WSCD2: variants seen among roughly 807,000 people sequenced by gnomAD.
WSCD2 encodes the protein WSC domain sialate O sulfotransferase 2.
WSCD2 carries 28 observed loss-of-function variants against 55.7 expected under a neutral mutation model. The observed-to-expected ratio is 0.50, with a 90% CI of 0.37 to 0.69. The LOEUF (loss-of-function observed/expected upper bound fraction) is 0.69, where lower values mean the gene tolerates loss of function less well. Among genes scored for constraint, WSCD2 ranks in the 30% least tolerant of loss-of-function variants. The probability of loss-of-function intolerance (pLI) is 0.00; values close to 1 mark genes in which losing one functional copy is unlikely to be tolerated. For missense variants in WSCD2, 616 were observed against 762.1 expected, an observed-to-expected ratio of 0.81 and a Z score of 2.26; for synonymous variants, 301 against 301.9, an observed-to-expected ratio of 1.00 and a Z score of 0.03.
At chr12:108,242,499 C>T (rs1446361645) in intron 8 of WSCD2, among the ~76,000 whole-genome samples, 5 of 152,162 alleles carry the variant, frequency 3.3e-5, no homozygotes, top group Non-Finnish European at 5.9e-5. Context: ...TCAGTGACCT[C>T]GGTGGGCCTC....
At chr12:108,216,079 G>A (rs1218356354) in intron 4 of WSCD2, among the ~76,000 whole-genome samples, 5 of 152,256 alleles carry the variant, frequency 3.3e-5, no homozygotes, top group African/African-American at 1.2e-4. Context: ...CTGGAATGGG[G>A]GTCTATGGAG....
chr12:108,219,316 C>T (rs921135866), intron 4 of WSCD2, among the ~76,000 whole-genome samples: 4 of 152,328 alleles, frequency 2.6e-5, no homozygotes, highest in East Asian at 3.9e-4. Flanking sequence ...CAGATGAGCA[C>T]GGTCCACAGG....
chr12:108,192,057 C>T (rs1234063657), intron 1 of WSCD2, among the ~76,000 whole-genome samples: 1 of 152,178 alleles, frequency 6.6e-6, no homozygotes, highest in Non-Finnish European at 1.5e-5. Flanking sequence ...CAGAAATATC[C>T]TGAGAGAGGC....
chr12:108,194,823 G>A (rs1883679614), intron 1 of WSCD2, among the ~76,000 whole-genome samples: 1 of 152,122 alleles, frequency 6.6e-6, no homozygotes, highest in African/African-American at 2.4e-5. Context: ...ACACAAAGTA[G>A]GTCTCACTGA....
chr12:108,171,864 T>C lies in WSCD2; in HGVS notation c.-551-23418T>C, dbSNP rs540348091. Reference sequence around the variant, plus strand: ...ATATTTGGGAAGAATTTTGTCAAACTGTATGATTTTAAATAAGAATTCTTT... The same window carrying C: ...ATATTTGGGAAGAATTTTGTCAAACCGTATGATTTTAAATAAGAATTCTTT... On this transcript the variant is annotated intron_variant, in intron 1 of 8. Transcript: ENST00000547525. The C allele has an allele frequency of 9.2e-5, 14 of 152,334 alleles. No homozygotes were observed. The East Asian group carries it at 2.3e-3, about 25-fold the overall frequency. The allele number at this position is 152,334 out of a possible 1,614,324, so 9.4% of individuals were successfully genotyped here. A position where few individuals can be genotyped will look rare whatever the true frequency, so the allele number is the denominator to read the frequency against.
At chr12:108,244,616 G>A in intron 8 of WSCD2, 2 of 701,938 alleles carry the variant, frequency 2.8e-6, no homozygotes, top group South Asian at 3.0e-5. Context: ...TTGCAGATGG[G>A]TGCACTGAGG....
chr12:108,175,858 G>A (rs1880781774), intron 1 of WSCD2, among the ~76,000 whole-genome samples: 1 of 150,032 alleles, frequency 6.7e-6, no homozygotes, highest in African/African-American at 2.5e-5. Context: ...CTTTTTTTTT[G>A]AGACAGAGTC....
chr12:108,175,145 G>C (rs1412778870), intron 1 of WSCD2, among the ~76,000 whole-genome samples: 1 of 152,156 alleles, frequency 6.6e-6, no homozygotes, highest in Non-Finnish European at 1.5e-5. Flanking sequence ...GCAATGTCTA[G>C]AGACAGGTTT....
intron 1 of WSCD2, among the ~76,000 whole-genome samples, chr12:108,159,485 C>A (rs1183932799): frequency 6.6e-6 from 1 of 152,206 alleles, no homozygotes; most frequent in Non-Finnish European, 1.5e-5. Flanking sequence ...ATGCCTCTGG[C>A]CACTCATTTG....
intron 2 of WSCD2, among the ~76,000 whole-genome samples, chr12:108,199,343 G>A (rs1243459981): frequency 6.6e-6 from 1 of 152,168 alleles, no homozygotes; most frequent in Non-Finnish European, 1.5e-5. Context: ...GGAGTGGGAG[G>A]GGAGGAGCTG....
At chr12:108,155,101 T>C (rs547094852) in intron 1 of WSCD2, among the ~76,000 whole-genome samples, 23 of 152,298 alleles carry the variant, frequency 1.5e-4, no homozygotes, top group African/African-American at 5.1e-4. Context: ...GTCACATTCT[T>C]TTGTGGGGCC....
chr12:108,244,224 G>A (rs1346174), intron 8 of WSCD2, among the ~76,000 whole-genome samples: 17,058 of 152,210 alleles, frequency 0.11, 1,073 homozygotes, highest in South Asian at 0.2. Flanking sequence ...CCAGTTTGCA[G>A]ACAGCAATCA....
chr12:108,196,270 A>G, intron 2 of WSCD2, 56 bp downstream of exon 2: 1 of 1,518,224 alleles, frequency 6.6e-7, no homozygotes, highest in South Asian at 1.3e-5. Flanking sequence ...AGGAGATACT[A>G]ACAATGTAAT....
chr12:108,154,678 C>T (rs1211874226), intron 1 of WSCD2, among the ~76,000 whole-genome samples: 2 of 152,106 alleles, frequency 1.3e-5, no homozygotes, highest in East Asian at 1.9e-4. Flanking sequence ...TTCCCACTGT[C>T]GTGCACAAGA....
At chr12:108,231,765 G>C (rs902823206) in intron 6 of WSCD2, among the ~76,000 whole-genome samples, 2 of 152,170 alleles carry the variant, frequency 1.3e-5, no homozygotes, top group African/African-American at 2.4e-5. Context: ...CACAATATGG[G>C]CAGGGTTTCT....
rs1566003913 is a variant in WSCD2, at chr12:108,248,704, A to G, written c.*361A>G. ...GAGACTTGCTGGATGCCCCATGGCA[A>G]TTGTCAAGGCTCTTGATGCAAGAGC... is the stretch of plus-strand genomic sequence containing the variant. On this transcript the variant is annotated 3_prime_UTR_variant, in exon 9 of 9. Coordinates refer to ENST00000547525, the MANE Select transcript of WSCD2 (RefSeq NM_014653.4). This position sits in a 1 kb window ranked among gnomAD's most constrained non-coding sequence, Gnocchi z 4.3. The G allele has an allele frequency of 1.9e-6, 2 of 1,033,400 alleles. No individual in the cohort carries two copies. The highest frequency in any genetic ancestry group is 4.1e-5 in the South Asian group (1 of 24,684). The allele number at this position is 1,033,400 out of a possible 1,614,324, so 64.0% of individuals were successfully genotyped here.
chr12:108,177,361 G>A lies in WSCD2; in HGVS notation c.-551-17921G>A, dbSNP rs563536160. ...GAGCCCCTGCTTGTTAGAAGTCGCC[G>A]TGATTATAGTTACTGGGCACTTGCT... On this transcript the variant is annotated intron_variant, in intron 1 of 8. Coordinates refer to ENST00000547525, the MANE Select transcript of WSCD2 (RefSeq NM_014653.4). Among the ~76,000 whole-genome samples, 251 of 152,212 alleles carry A rather than the reference G, an allele frequency of 1.6e-3. 1 individual carries two copies. The highest frequency in any genetic ancestry group is 5.6e-3 in the African/African-American group (233 of 41,530).
intron 1 of WSCD2, among the ~76,000 whole-genome samples, chr12:108,181,174 G>A (rs1881692433): frequency 6.6e-6 from 1 of 152,214 alleles, no homozygotes; most frequent in Admixed American, 6.5e-5. Flanking sequence ...ACATGCTGCA[G>A]CCGTCAGCAG....
Position 108,250,157 on chromosome 12 carries a change from T to C in WSCD2, c.*1814T>C, listed in dbSNP as rs1890350179. The C allele has an allele frequency of 6.7e-6, 1 of 149,310 alleles. No homozygotes were observed. Among genetic ancestry groups the C allele is most frequent in the South Asian group, 2.1e-4 (1 of 4,652 alleles). The allele number at this position is 149,310 out of a possible 1,614,324, so 9.2% of individuals were successfully genotyped here. The stretch of plus-strand genomic sequence containing the variant: ...GTGTTGTGTAAGACAGGTTCACAAA[T>C]GGGATGTTTTCCTAGTGTGTGTGTG... On this transcript the variant is annotated 3_prime_UTR_variant, in exon 9 of 9. Coordinates refer to ENST00000547525, the MANE Select transcript of WSCD2 (RefSeq NM_014653.4).
Sources: gnomAD v4.1 joint callset for allele counts (sites outside exome capture counted in the v4.1 genomes callset) on GRCh38, gnomAD v4.1.1 for gene constraint, Gnocchi (gnomAD v3.1) non-coding constraint, MANE v1.5 for transcripts, NCBI Gene and HGNC (gene_info 2026-07-23, HGNC 2026-07-21) for gene names.